Variants in CIT observed in about 807,000 individuals in gnomAD.
CIT encodes citron Rho-interacting kinase.
CIT carries 79 observed loss-of-function variants against 272.7 expected under a neutral mutation model. That is an observed-to-expected ratio of 0.29 (90% CI 0.24 to 0.35). The LOEUF (loss-of-function observed/expected upper bound fraction) is 0.35, where lower values mean the gene tolerates loss of function less well. Ranked by LOEUF, CIT falls within the 10% of genes least tolerant of loss-of-function variation. The pLI, the probability that CIT is intolerant of heterozygous loss-of-function variation, is 1.00. For synonymous variants in CIT, 948 were observed against 995.6 expected (o/e 0.95, Z 0.90); for missense variants, 1,909 against 2,618.3 (o/e 0.73, Z 5.91).
Position 119,757,549 on chromosome 12 carries a change from G to A in CIT, c.2532-4C>T, listed in dbSNP as rs1421664217. On this transcript the variant is annotated splice_polypyrimidine_tract_variant and splice_region_variant and intron_variant, in intron 21 of 47. Transcript: ENST00000392521. ...AATCATCTCTTCTTGGGCCTTCCTG[G>A]TGGGGGTGGTGGGAGGATCCAAACA... 1 of 1,603,036 alleles carries A rather than the reference G, an allele frequency of 6.2e-7. No individual in the cohort carries two copies. Among genetic ancestry groups the A allele is most frequent in the Non-Finnish European group, 8.5e-7 (1 of 1,174,176 alleles).
chr12:119,722,317 G>A (rs4767839), intron 28 of CIT, among the ~76,000 whole-genome samples: 79,380 of 151,840 alleles, frequency 0.52, 20,993 homozygotes, highest in Admixed American at 0.61. Flanking sequence ...CTCTTCCCTG[G>A]TAGCCTGGGT....
chr12:119,818,179 G>A lies in CIT; in HGVS notation c.1111+4641C>T, dbSNP rs372296020. ...ACCACAGTAACCACATCTGTAAAAT[G>A]GGTATAATAATCCTTACATTTGACA... On this transcript the variant is annotated intron_variant, in intron 9 of 47. Transcript: ENST00000392521. Among the ~76,000 whole-genome samples, 6 of 152,232 alleles carry A rather than the reference G, an allele frequency of 3.9e-5. No individual in the cohort carries two copies. In the East Asian group the frequency reaches 1.2e-3, roughly 29 times the overall value.
Position 119,728,428 on chromosome 12 carries a change from G to C in CIT, c.3591+74C>G. On this transcript the variant is annotated intron_variant, in intron 28 of 47. Transcript: ENST00000392521. The surrounding 1 kb of genome is among the most constrained non-coding windows in gnomAD (Gnocchi z 4.3). The stretch of plus-strand genomic sequence containing the variant: ...TCAATTTTGCTGTGAACCTAAAGCT[G>C]CTCCAAAAAAAAGAAGCCTATTAAA... 1 of 889,436 alleles carries C rather than the reference G, an allele frequency of 1.1e-6. No homozygotes were observed. The highest frequency in any genetic ancestry group is 1.5e-5 in the South Asian group (1 of 66,520). 55.1% of individuals were successfully genotyped at this position (889,436 alleles called of 1,614,324 possible). A position where few individuals can be genotyped will look rare whatever the true frequency, so the allele number is the denominator to read the frequency against.
chr12:119,817,582 C>A lies in CIT; in HGVS notation c.1111+5238G>T, dbSNP rs535190488. On this transcript the variant is annotated intron_variant, in intron 9 of 47. Coordinates refer to ENST00000392521, the MANE Select transcript of CIT (RefSeq NM_001206999.2). ...GCCTACGAAGCATTAAACTTCCCAC[C>A]ATTTGGAGGTACAGCAATTTAACAG... is the stretch of plus-strand genomic sequence containing the variant. 3.9e-5 allele frequency among the ~76,000 whole-genome samples: 6 copies of A among 152,158 alleles called. No individual in the cohort carries two copies. The East Asian group carries it at 1.2e-3, about 29-fold the overall frequency.
At chr12:119,793,966 T>C (rs570519459) in intron 10 of CIT, among the ~76,000 whole-genome samples, 10 of 152,320 alleles carry the variant, frequency 6.6e-5, no homozygotes, top group Non-Finnish European at 1.0e-4. Flanking sequence ...GAACAGCCCC[T>C]AGGACCTCAG....
intron 5 of CIT, among the ~76,000 whole-genome samples, chr12:119,844,063 C>T (rs1969613058): frequency 6.7e-6 from 1 of 149,632 alleles, no homozygotes; most frequent in Non-Finnish European, 1.5e-5. Flanking sequence ...GCTTTGTCGC[C>T]CAGGCTGGAG....
intron 10 of CIT, among the ~76,000 whole-genome samples, chr12:119,800,754 C>A (rs1050628458): frequency 6.6e-6 from 1 of 152,158 alleles, no homozygotes; most frequent in Admixed American, 6.5e-5. Flanking sequence ...AAAGGTGGTA[C>A]CCCCAGAAAA....
rs543843157 is a variant in CIT, at chr12:119,720,918, C to T, written c.3733-333G>A. 3.3e-5 allele frequency among the ~76,000 whole-genome samples: 5 copies of T among 152,314 alleles called. No homozygotes were observed. In the South Asian group the frequency reaches 1.0e-3, roughly 32 times the overall value. On this transcript the variant is annotated intron_variant, in intron 29 of 47. Coordinates refer to ENST00000392521, the MANE Select transcript of CIT (RefSeq NM_001206999.2). ...ACAATATGCAGCACAAAGATACTGA[C>T]CATTTTACCAGATGACTGTACAATC...
rs1297236147 is a variant in CIT, at chr12:119,834,239, T to C, written c.517-11A>G. 2 of 1,579,094 alleles carry C rather than the reference T, an allele frequency of 1.3e-6. No individual in the cohort carries two copies. The highest frequency in any genetic ancestry group is 2.0e-5 in the Admixed American group (1 of 50,984). On this transcript the variant is annotated splice_polypyrimidine_tract_variant and intron_variant, in intron 5 of 47. Transcript: ENST00000392521. Reference sequence around the variant, plus strand: ...CTGATATTCCATGACCTGTATAGAATGCCAAAGTTATTAATTCTTCACACA... The same window carrying C: ...CTGATATTCCATGACCTGTATAGAACGCCAAAGTTATTAATTCTTCACACA...
intron 7 of CIT, among the ~76,000 whole-genome samples, chr12:119,827,097 A>G (rs1968233451): frequency 6.6e-6 from 1 of 152,150 alleles, no homozygotes; most frequent in Admixed American, 6.5e-5. Flanking sequence ...GCAGTGTGAT[A>G]TAATCATTCC....
chr12:119,857,784 G>T, intron 3 of CIT, 86 bp from the exon 4 acceptor site: 1 of 1,200,902 alleles, frequency 8.3e-7, no homozygotes, highest in Non-Finnish European at 1.2e-6. Context: ...AAAGAAAATA[G>T]CATTCGGATA....
chr12:119,832,690 T>C lies in CIT; in HGVS notation c.753+81A>G, dbSNP rs1394939029. 7.8e-6 allele frequency: 9 copies of C among 1,160,106 alleles called. No homozygotes were observed. In the East Asian group the frequency reaches 1.4e-4, roughly 18 times the overall value. The allele number at this position is 1,160,106 out of a possible 1,614,324, so 71.9% of individuals were successfully genotyped here. A position where few individuals can be genotyped will look rare whatever the true frequency, so the allele number is the denominator to read the frequency against. The stretch of plus-strand genomic sequence containing the variant: ...CTCCAAAACATTGTTCACCATTTTA[T>C]CCCAACACTTCCCAAACTTAGGAGG... On this transcript the variant is annotated intron_variant, in intron 7 of 47. Coordinates refer to ENST00000392521, the MANE Select transcript of CIT (RefSeq NM_001206999.2).
In CIT at chr12:119,803,350, T is replaced by C. The variant is rs1464753243; in HGVS notation, c.1151A>G (p.Asp384Gly). 3.1e-6 allele frequency: 5 copies of C among 1,600,620 alleles called. No individual in the cohort carries two copies. In the Admixed American group the frequency reaches 6.9e-5, roughly 22 times the overall value. Reference sequence around the variant, plus strand: ...CTCTGGTTCATCAAAATTGGAGGTGTCATCGTCAGACTTGAGGGTGGGAAC... The same window carrying C: ...CTCTGGTTCATCAAAATTGGAGGTGCCATCGTCAGACTTGAGGGTGGGAAC... ...PFVPTLKSDD[D>G]TSNFDEPEKN... The change falls in exon 10 of 48, where the codon GAC (aspartate) becomes GGC (glycine). Residue 384 changes from aspartate to glycine, a missense_variant. By Grantham distance (94) the Asp-to-Gly change is moderately conservative. Coordinates refer to ENST00000392521, the MANE Select transcript of CIT (RefSeq NM_001206999.2).
intron 37 of CIT, among the ~76,000 whole-genome samples, chr12:119,711,548 T>G (rs1957159939): frequency 6.6e-6 from 1 of 152,246 alleles, no homozygotes. Flanking sequence ...CAAACTCATT[T>G]GAGTAAACAG....
intron 4 of CIT, among the ~76,000 whole-genome samples, chr12:119,855,607 C>A (rs1202601017): frequency 6.6e-6 from 1 of 151,972 alleles, no homozygotes; most frequent in Non-Finnish European, 1.5e-5. Flanking sequence ...TTCTCTCATG[C>A]CCTTAAATTC....
intron 9 of CIT, among the ~76,000 whole-genome samples, chr12:119,810,680 C>T (rs1966839444): frequency 7.4e-6 from 1 of 135,598 alleles, no homozygotes; most frequent in South Asian, 2.4e-4. Context: ...CCAGCCTGGG[C>T]AGCAGAGTGA....
At position 119,712,044 on chromosome 12, in the gene CIT, G is replaced by C. The variant is rs78364534; in HGVS notation, c.4854+134C>G. On this transcript the variant is annotated intron_variant, in intron 37 of 47. Coordinates refer to ENST00000392521, the MANE Select transcript of CIT (RefSeq NM_001206999.2). This position sits in a 1 kb window ranked among gnomAD's most constrained non-coding sequence, Gnocchi z 5.2. Reference sequence around the variant, plus strand: ...CCACCAGACTCCTGGCCATGACACAGTCTAGAGCCATCAGCCCTCAGAGAG... The same window carrying C: ...CCACCAGACTCCTGGCCATGACACACTCTAGAGCCATCAGCCCTCAGAGAG... 0.04 allele frequency: 33,496 copies of C among 845,154 alleles called. 3,699 individuals are homozygous for C. Among genetic ancestry groups the C allele is most frequent in the African/African-American group, 0.34 (20,013 of 58,562 alleles). The allele number at this position is 845,154 out of a possible 1,614,324, so 52.4% of individuals were successfully genotyped here.
intron 19 of CIT, among the ~76,000 whole-genome samples, chr12:119,763,897 A>G (rs1414377710): frequency 6.6e-6 from 1 of 152,240 alleles, no homozygotes; most frequent in African/African-American, 2.4e-5. Flanking sequence ...ATGTCAGGCC[A>G]GCCCTTCTCT....
At chr12:119,777,331 G>A (rs117426067) in intron 13 of CIT, among the ~76,000 whole-genome samples, 2,152 of 151,850 alleles carry the variant, frequency 0.014, 29 homozygotes, top group Middle Eastern at 0.031. Context: ...AGTAGGCAAA[G>A]GTGAGAAGTG....
Sources: allele counts gnomAD v4.1 joint callset (sites outside exome capture counted in the v4.1 genomes callset), GRCh38; gene constraint gnomAD v4.1.1; non-coding constraint Gnocchi (gnomAD v3.1); transcripts MANE v1.5; gene names NCBI Gene and HGNC (gene_info 2026-07-23, HGNC 2026-07-21).